The following C8orf76 variants were observed in gnomAD, a reference collection of about 807,000 sequenced individuals.
The protein encoded by C8orf76 is chromosome 8 open reading frame 76.
In C8orf76, 46 loss-of-function variants were observed where a neutral mutation model predicts 38.1. The observed-to-expected ratio is 1.21, with a 90% CI of 0.95 to 1.54. The LOEUF is 1.54. Ranked by LOEUF, C8orf76 falls within the 40% of genes most tolerant of loss-of-function variation. C8orf76 has a pLI of 0.00. For missense variants in C8orf76, 461 were observed against 441.6 expected, an observed-to-expected ratio of 1.04 and a Z score of -0.39; for synonymous variants, 166 against 167.5, an observed-to-expected ratio of 0.99 and a Z score of 0.07.
At chr8:123,234,294 A>C (rs1392447437) in intron 3 of C8orf76, among the ~76,000 whole-genome samples, 1 of 152,070 alleles carries the variant, frequency 6.6e-6, no homozygotes, top group South Asian at 2.1e-4. Context: ...TAAGCAGGAG[A>C]GCTACAGTCA....
At position 123,239,142 on chromosome 8, in the gene C8orf76, C is replaced by A; in HGVS notation, c.120G>T (p.Trp40Cys). ...CACTGCTTTCTGTTTCTTCATAAAA[C>A]CACTTGAAATCATGAAAATAGCCTA... ...SYCAKLCEPQ[W>C]FYEETESSDD... Residue 40 changes from tryptophan to cysteine, a missense_variant and splice_region_variant, in exon 2 of 6, where the codon TGG (tryptophan) becomes TGT (cysteine). Transcript: ENST00000276704. 1.2e-6 allele frequency: 2 copies of A among 1,614,014 alleles called. No homozygotes were observed. The highest frequency in any genetic ancestry group is 1.7e-6 in the Non-Finnish European group (2 of 1,179,956).
intron 3 of C8orf76, among the ~76,000 whole-genome samples, chr8:123,236,232 G>A (rs894238825): frequency 6.6e-6 from 1 of 152,166 alleles, no homozygotes; most frequent in African/African-American, 2.4e-5. Context: ...GTGTGCATAC[G>A]TTAGGCTGAT....
At chr8:123,226,334 A>T (rs1212723337) in intron 5 of C8orf76, 166 bp downstream of exon 5, 3 of 1,463,780 alleles carry the variant, frequency 2.0e-6, no homozygotes, top group Non-Finnish European at 1.8e-6. Context: ...GGGAATGCCG[A>T]TCAAGAGGCC....
intron 3 of C8orf76, 77 bp from the exon 4 acceptor site, chr8:123,231,834 C>A: frequency 7.0e-7 from 1 of 1,423,704 alleles, no homozygotes; most frequent in South Asian, 1.4e-5. Flanking sequence ...CCTAAAAAAC[C>A]AAGTTGTATA....
chr8:123,241,178 G>C, intron 1 of C8orf76, 52 bp downstream of exon 1: 1 of 1,503,028 alleles, frequency 6.7e-7, no homozygotes, highest in Non-Finnish European at 8.8e-7. Flanking sequence ...GGGGCCCCGC[G>C]GAGGGCGAGG....
Position 123,237,811 on chromosome 8 carries a change from ATC to A in C8orf76, c.342_343del (p.Glu114AspfsTer8), listed in dbSNP as rs1339654226. ...AAAATCACTCACCAAGTTTGCAGCAATCTCCAGCGCCTCCATATGCCTACCCA... is the reference window on the plus strand; with the variant it reads ...AAAATCACTCACCAAGTTTGCAGCAATCCAGCGCCTCCATATGCCTACCCA... On this transcript the variant is annotated frameshift_variant, in exon 3 of 6. Transcript: ENST00000276704. LOFTEE classifies it high-confidence loss of function. 4 of 1,612,646 alleles carry A rather than the reference ATC, an allele frequency of 2.5e-6. No homozygotes were observed. In the African/African-American group the frequency reaches 5.3e-5, roughly 22 times the overall value.
In C8orf76 at chr8:123,226,600, G is replaced by A. The variant is rs779516550; in HGVS notation, c.848C>T (p.Thr283Ile). 6 of 1,604,380 alleles carry A rather than the reference G, an allele frequency of 3.7e-6. No individual in the cohort carries two copies. In the African/African-American group the frequency reaches 8.1e-5, roughly 22 times the overall value. The change falls in exon 5 of 6, where the codon ACA becomes ATA. Residue 283 changes from threonine (T) to isoleucine (I), a missense_variant. Physicochemically the swap from Thr to Ile is moderately conservative, Grantham distance 89. Coordinates refer to ENST00000276704, the MANE Select transcript of C8orf76 (RefSeq NM_032847.3). ...TAAGTTCCTCTCCAAAGCAAACGATGTTTGCTGAGGTTGGGTAAACTGAAG... is the reference window on the plus strand; with the variant it reads ...TAAGTTCCTCTCCAAAGCAAACGATATTTGCTGAGGTTGGGTAAACTGAAG... ...LLLQFTQPQQ[T>I]SFALERNLRT...
chr8:123,227,267 T>C (rs1377293209), intron 4 of C8orf76, among the ~76,000 whole-genome samples: 1 of 152,018 alleles, frequency 6.6e-6, no homozygotes, highest in African/African-American at 2.4e-5. Flanking sequence ...TTTTTTTTTT[T>C]TTTTTTAATA....
chr8:123,240,184 GT>G (rs112161185), intron 1 of C8orf76, among the ~76,000 whole-genome samples: 19,894 of 152,032 alleles, frequency 0.13, 4,012 homozygotes, highest in African/African-American at 0.44. Context: ...AAGGCAAGTG[GT>G]TAAAGCCAAC....
intron 3 of C8orf76, among the ~76,000 whole-genome samples, chr8:123,233,729 GAAATT>G (rs1371703105): frequency 6.6e-6 from 1 of 151,034 alleles, no homozygotes; most frequent in East Asian, 2.0e-4. Context: ...ACTCCTTCTG[GAAATT>G]AAATTCTATT....
intron 1 of C8orf76, 69 bp downstream of exon 1, chr8:123,241,161 C>G (rs953685849): frequency 2.1e-6 from 3 of 1,454,332 alleles, no homozygotes; most frequent in Non-Finnish European, 2.7e-6. Flanking sequence ...GGGCCGAGGC[C>G]GGGGCCGGGG....
In C8orf76 at chr8:123,231,382, T is replaced by C. The variant is rs752407109; in HGVS notation, c.733A>G (p.Ile245Val). 1.2e-6 allele frequency: 2 copies of C among 1,614,256 alleles called. No individual in the cohort carries two copies. Among genetic ancestry groups the C allele is most frequent in the South Asian group, 2.2e-5 (2 of 91,088 alleles). ...CTCTTTTCTGCCATACAGTTTTGGA[T>C]ATTTGTCAGAGCTTTCTCATTTTTC... ...SQKNEKALTN[I>V]QNCMAEKRET... The change falls in exon 4 of 6, where the codon ATC (isoleucine) becomes GTC (valine). Residue 245 changes from isoleucine to valine, a missense_variant. Physicochemically the swap from Ile to Val is conservative, Grantham distance 29 (BLOSUM62 3). Coordinates refer to ENST00000276704, the MANE Select transcript of C8orf76 (RefSeq NM_032847.3).
chr8:123,233,783 C>A (rs939754132), intron 3 of C8orf76, among the ~76,000 whole-genome samples: 1 of 151,746 alleles, frequency 6.6e-6, no homozygotes, highest in Admixed American at 6.6e-5. Flanking sequence ...AATCCCAGCA[C>A]TTTGGGAGGC....
chr8:123,226,276 CACTGACAAGT>C, intron 5 of C8orf76: 3 of 1,376,954 alleles, frequency 2.2e-6, no homozygotes, highest in Non-Finnish European at 2.8e-6. Flanking sequence ...TGCTAACAAG[CACTGACAAGT>C]ACATGAAACA....
Position 123,241,368 on chromosome 8 carries a change from A to G in C8orf76, c.-22T>C, listed in dbSNP as rs1825682998. ...CCATCTCGCGCCCGCGGCGGGGGCA[A>G]CGAGGAAGCGGGGCCCGCCGGAAAA... On this transcript the variant is annotated 5_prime_UTR_variant, in exon 1 of 6. Coordinates refer to ENST00000276704, the MANE Select transcript of C8orf76 (RefSeq NM_032847.3). 3.2e-6 allele frequency: 5 copies of G among 1,541,404 alleles called. No individual in the cohort carries two copies. Among genetic ancestry groups the G allele is most frequent in the Non-Finnish European group, 4.3e-6 (5 of 1,153,858 alleles).
At chr8:123,237,176 G>A (rs1423004058) in intron 3 of C8orf76, 3 of 709,190 alleles carry the variant, frequency 4.2e-6, no homozygotes, top group Non-Finnish European at 7.6e-6. Flanking sequence ...CGCAAGAAGC[G>A]CGGCCACACC....
Position 123,235,441 on chromosome 8 carries a change from C to T in C8orf76, c.357+2357G>A, listed in dbSNP as rs117783983. On this transcript the variant is annotated intron_variant, in intron 3 of 5. Transcript: ENST00000276704. ...ATGGGCCAGAGCTAGTAACAAAAGGCGAGGGTCCTCAGGTAGAGAAGAAAT... is the reference window on the plus strand; with the variant it reads ...ATGGGCCAGAGCTAGTAACAAAAGGTGAGGGTCCTCAGGTAGAGAAGAAAT... Among the ~76,000 whole-genome samples the T allele has an allele frequency of 6.2e-3, 938 of 152,106 alleles. 7 individuals carry two copies. Among genetic ancestry groups the T allele is most frequent in the Non-Finnish European group, 8.8e-3 (601 of 67,992 alleles).
chr8:123,233,436 C>G (rs1485903513), intron 3 of C8orf76, among the ~76,000 whole-genome samples: 2 of 151,996 alleles, frequency 1.3e-5, no homozygotes, highest in Admixed American at 6.6e-5. Flanking sequence ...ATTCTTTTGC[C>G]CAGGCTGGAG....
At chr8:123,226,306 C>A (rs547086995) in intron 5 of C8orf76, 194 bp downstream of exon 5, 3 of 1,408,790 alleles carry the variant, frequency 2.1e-6, no homozygotes, top group East Asian at 2.8e-5. Context: ...ACAGCCCCTG[C>A]GGTCCCGCAC....
Sources: allele counts gnomAD v4.1 joint callset (sites outside exome capture counted in the v4.1 genomes callset), GRCh38; gene constraint gnomAD v4.1.1; transcripts MANE v1.5; gene names NCBI Gene and HGNC (gene_info 2026-07-23, HGNC 2026-07-21).